The following NARS2 variants were observed in gnomAD, a reference collection of about 807,000 sequenced individuals.
NARS2 encodes the protein asparaginyl-tRNA synthetase.
A neutral mutation model predicts 62.9 loss-of-function variants in NARS2; 60 were observed. That is an observed-to-expected ratio of 0.95 (90% CI 0.77 to 1.18). NARS2 has a LOEUF of 1.18. Among genes scored for constraint, NARS2 ranks in the 50% most tolerant of loss-of-function variants. The probability of loss-of-function intolerance (pLI) is 0.00; values close to 1 mark genes in which losing one functional copy is unlikely to be tolerated. For missense variants in NARS2, 619 were observed against 576.4 expected, an observed-to-expected ratio of 1.07 and a Z score of -0.76; for synonymous variants, 196 against 200.0, an observed-to-expected ratio of 0.98 and a Z score of 0.17.
At chr11:78,562,181 C>T (rs1856579479) in intron 4 of NARS2, among the ~76,000 whole-genome samples, 1 of 152,152 alleles carries the variant, frequency 6.6e-6, no homozygotes, top group Non-Finnish European at 1.5e-5. Context: ...GACCCTAGCA[C>T]TTTGGTTGGT....
Position 78,528,881 on chromosome 11 carries a change from A to C in NARS2, c.650T>G (p.Leu217Ter). 1 of 1,613,080 alleles carries C rather than the reference A, an allele frequency of 6.2e-7. No individual in the cohort carries two copies. The highest frequency in any genetic ancestry group is 1.1e-5 in the South Asian group (1 of 91,070). Residue 217 changes from leucine (L) to a stop codon, truncating the protein, a stop_gained, in exon 6 of 14, where the codon TTA becomes TGA. Coordinates refer to ENST00000281038, the MANE Select transcript of NARS2 (RefSeq NM_024678.6). LOFTEE classifies it high-confidence loss of function. ...EENFFNVPAF[L>*]TVSGQLHLEV... Reference sequence around the variant, plus strand: ...TAGATGAAGTTGTCCTGAGACAGTTAAGAAAGCAGGAACATTGAAGAAATT... The same window carrying C: ...TAGATGAAGTTGTCCTGAGACAGTTCAGAAAGCAGGAACATTGAAGAAATT...
chr11:78,444,985 G>C (rs974109766), intron 11 of NARS2, among the ~76,000 whole-genome samples: 2 of 152,086 alleles, frequency 1.3e-5, no homozygotes, highest in Non-Finnish European at 2.9e-5. Flanking sequence ...AGATTAACAT[G>C]CAAGATGTTT....
chr11:78,486,484 A>C (rs369930765), intron 7 of NARS2, among the ~76,000 whole-genome samples: 1 of 152,246 alleles, frequency 6.6e-6, no homozygotes, highest in Admixed American at 6.5e-5. Context: ...TTTCCAGACT[A>C]TGAGTAGCAC....
At position 78,566,268 on chromosome 11, in the gene NARS2, A is replaced by G; in HGVS notation, c.377T>C (p.Phe126Ser). 2.5e-6 allele frequency: 4 copies of G among 1,576,766 alleles called. No individual in the cohort carries two copies. Among genetic ancestry groups the G allele is most frequent in the Non-Finnish European group, 3.4e-6 (4 of 1,161,052 alleles). Residue 126 changes from phenylalanine to serine, a missense_variant, in exon 4 of 14, where the codon TTC becomes TCC. Coordinates refer to ENST00000281038, the MANE Select transcript of NARS2 (RefSeq NM_024678.6). ...ATGCCTCTCTTTATATTTGATGGGG[A>G]AATCCTGCCAATAAATGAAAAGAAC... ...KVIGNCDAKD[F>S]PIKYKERHPL...
At chr11:78,551,707 C>T (rs531186940) in intron 5 of NARS2, among the ~76,000 whole-genome samples, 17 of 152,046 alleles carry the variant, frequency 1.1e-4, no homozygotes, top group East Asian at 5.8e-4. Context: ...AAAAATTAGC[C>T]GGGCGTGGTG....
At chr11:78,454,786 T>C (rs1365689803) in intron 11 of NARS2, among the ~76,000 whole-genome samples, 1 of 152,036 alleles carries the variant, frequency 6.6e-6, no homozygotes, top group Admixed American at 6.6e-5. Context: ...GCTCAGCTAA[T>C]TTTTCGTATT....
intron 2 of NARS2, among the ~76,000 whole-genome samples, chr11:78,570,222 A>AT (rs1226135125): frequency 3.3e-5 from 5 of 151,612 alleles, no homozygotes; most frequent in Admixed American, 1.3e-4. Flanking sequence ...CATCAGAACA[A>AT]TTTTTTTTTG....
At chr11:78,453,990 C>A (rs1330360073) in intron 11 of NARS2, among the ~76,000 whole-genome samples, 1 of 152,214 alleles carries the variant, frequency 6.6e-6, no homozygotes, top group Non-Finnish European at 1.5e-5. Flanking sequence ...AACATGTATT[C>A]CCTTTCCCTC....
chr11:78,558,639 G>A (rs561122427), intron 5 of NARS2: 18 of 152,226 alleles, frequency 1.2e-4, no homozygotes, highest in African/African-American at 3.1e-4. Context: ...CAAGGCTTTC[G>A]ACTGCCTCCA....
chr11:78,543,860 G>A (rs543524635), intron 5 of NARS2, among the ~76,000 whole-genome samples: 37 of 151,910 alleles, frequency 2.4e-4, no homozygotes, highest in East Asian at 1.2e-3. Flanking sequence ...GTGAAAACCC[G>A]TCTCTACTAA....
chr11:78,551,038 G>A (rs1232784271), intron 5 of NARS2, among the ~76,000 whole-genome samples: 2 of 152,176 alleles, frequency 1.3e-5, no homozygotes, highest in Non-Finnish European at 2.9e-5. Flanking sequence ...ACAGAAAGCA[G>A]ATTTGTGGTT....
intron 1 of NARS2, 46 bp downstream of exon 1, chr11:78,574,302 T>C: frequency 5.0e-6 from 8 of 1,612,644 alleles, no homozygotes; most frequent in Non-Finnish European, 6.8e-6. Flanking sequence ...ATGTGCCATA[T>C]AAAAGTCCCT....
In NARS2 at chr11:78,517,868, C is replaced by T. The variant is rs141275949; in HGVS notation, c.689+10974G>A. Reference sequence around the variant, plus strand: ...GTCTGTTAATTCATATTTCTATCCACACAGGGTTAACTTTGAACTTAATTA... The same window carrying T: ...GTCTGTTAATTCATATTTCTATCCATACAGGGTTAACTTTGAACTTAATTA... On this transcript the variant is annotated intron_variant, in intron 6 of 13. Transcript: ENST00000281038. Among the ~76,000 whole-genome samples, 563 of 152,284 alleles carry T rather than the reference C, an allele frequency of 3.7e-3. 3 individuals carry two copies. The highest frequency in any genetic ancestry group is 6.8e-3 in the Middle Eastern group (2 of 294).
chr11:78,515,193 T>C (rs1860859064), intron 6 of NARS2, among the ~76,000 whole-genome samples: 1 of 152,042 alleles, frequency 6.6e-6, no homozygotes, highest in Non-Finnish European at 1.5e-5. Context: ...ATTAAGAGTT[T>C]ACATATGAAC....
At chr11:78,554,417 G>T (rs1178137804) in intron 5 of NARS2, among the ~76,000 whole-genome samples, 2 of 151,898 alleles carry the variant, frequency 1.3e-5, no homozygotes, top group Non-Finnish European at 2.9e-5. Flanking sequence ...CCATTTGTTT[G>T]TATCTTCTCT....
Position 78,574,696 on chromosome 11 carries a change from G to A in NARS2, c.-208C>T. On this transcript the variant is annotated 5_prime_UTR_variant, in exon 1 of 14. Transcript: ENST00000281038. ...TCTCCGCTTCCCACTTCCCAACGGG[G>A]CGGAATGGACAGGACACTAGGCAAA... is the stretch of plus-strand genomic sequence containing the variant. 1.7e-6 allele frequency: 1 copy of A among 596,790 alleles called. No individual in the cohort carries two copies. The highest frequency in any genetic ancestry group is 2.9e-6 in the Non-Finnish European group (1 of 345,348). 37.0% of individuals were successfully genotyped at this position (596,790 alleles called of 1,614,324 possible).
intron 6 of NARS2, among the ~76,000 whole-genome samples, chr11:78,513,142 C>T (rs543580256): frequency 1.3e-5 from 2 of 151,720 alleles, no homozygotes; most frequent in African/African-American, 4.8e-5. Context: ...CCCAGCTACT[C>T]GGGAGTCTAA....
At chr11:78,550,423 C>T (rs142940632) in intron 5 of NARS2, among the ~76,000 whole-genome samples, 86 of 152,306 alleles carry the variant, frequency 5.6e-4, no homozygotes, top group African/African-American at 2.0e-3. Flanking sequence ...GTCAGCTCAT[C>T]AGAATACATT....
intron 6 of NARS2, among the ~76,000 whole-genome samples, chr11:78,521,386 T>C (rs1176547442): frequency 1.3e-5 from 2 of 152,090 alleles, no homozygotes; most frequent in African/African-American, 4.8e-5. Context: ...TTGCCTAGGA[T>C]GGTCTTGAAC....
Sources: gnomAD v4.1 joint callset for allele counts (sites outside exome capture counted in the v4.1 genomes callset) on GRCh38, gnomAD v4.1.1 for gene constraint, MANE v1.5 for transcripts, NCBI Gene and HGNC (gene_info 2026-07-23, HGNC 2026-07-21) for gene names.